CDH4: variants seen among roughly 807,000 people sequenced by gnomAD.
CDH4 encodes cadherin 4.
Under a neutral mutation model 86.0 loss-of-function variants are expected in CDH4, and 33 were observed. The ratio of observed to expected loss-of-function variants is 0.38; its 90% confidence interval spans 0.29 to 0.51. CDH4 has a LOEUF of 0.51. Among genes scored for constraint, CDH4 ranks in the 20% least tolerant of loss-of-function variants. CDH4 has a pLI of 0.86. For missense variants in CDH4, 1,114 were observed against 1,307.4 expected (o/e 0.85, Z 2.28); for synonymous variants, 555 against 549.4 (o/e 1.01, Z -0.14).
intron 2 of CDH4, among the ~76,000 whole-genome samples, chr20:61,562,574 G>A (rs1036161452): frequency 3.9e-5 from 6 of 152,308 alleles, no homozygotes; most frequent in African/African-American, 1.4e-4. Flanking sequence ...GTCCCTGCAG[G>A]ATCTGAGCAC....
intron 6 of CDH4, among the ~76,000 whole-genome samples, chr20:61,867,959 C>A (rs576786298): frequency 1.5e-4 from 23 of 152,304 alleles, no homozygotes; most frequent in African/African-American, 5.5e-4. Flanking sequence ...TCTATTTCTG[C>A]AAAAACTCCA....
At chr20:61,901,238 G>A (rs1985392110) in intron 8 of CDH4, among the ~76,000 whole-genome samples, 1 of 151,956 alleles carries the variant, frequency 6.6e-6, no homozygotes, top group Non-Finnish European at 1.5e-5. Flanking sequence ...CAGGGGCAGG[G>A]GCAGGGGCAG....
intron 4 of CDH4, among the ~76,000 whole-genome samples, chr20:61,813,960 G>T (rs754192311): frequency 2.0e-4 from 31 of 152,222 alleles, no homozygotes; most frequent in Non-Finnish European, 4.0e-4. Flanking sequence ...CCAATATGTA[G>T]CAGGAGTCCA....
In CDH4 at chr20:61,703,857, A is replaced by G. The variant is rs60806592; in HGVS notation, c.170-39706A>G. Among the ~76,000 whole-genome samples the G allele has an allele frequency of 0.012, 1,819 of 152,260 alleles. 44 individuals carry two copies. The highest frequency in any genetic ancestry group is 0.041 in the African/African-American group (1,690 of 41,540). ...TTTACTCAGAGCTGCTTTACCTTGT[A>G]TTTTCATTTGGAAATATTAATTGTG... On this transcript the variant is annotated intron_variant, in intron 2 of 15. Transcript: ENST00000614565. This position sits in a 1 kb window ranked among gnomAD's most constrained non-coding sequence, Gnocchi z 4.3.
At chr20:61,322,376 G>A (rs956871390) in intron 2 of CDH4, among the ~76,000 whole-genome samples, 4 of 152,204 alleles carry the variant, frequency 2.6e-5, no homozygotes, top group Admixed American at 1.3e-4. Context: ...ATCAGGATCC[G>A]CAGCCCACAC....
intron 2 of CDH4, among the ~76,000 whole-genome samples, chr20:61,554,782 A>G (rs1003056280): frequency 6.6e-6 from 1 of 152,258 alleles, no homozygotes; most frequent in African/African-American, 2.4e-5. Context: ...CATGGTGTGA[A>G]CATGTTTTCA....
intron 2 of CDH4, among the ~76,000 whole-genome samples, chr20:61,542,126 C>T (rs1568884965): frequency 6.6e-6 from 1 of 152,204 alleles, no homozygotes. Flanking sequence ...GACCACATTC[C>T]ACCTGCTCTA....
chr20:61,504,733 T>C (rs140821032), intron 2 of CDH4, among the ~76,000 whole-genome samples: 1 of 152,312 alleles, frequency 6.6e-6, no homozygotes, highest in East Asian at 1.9e-4. Flanking sequence ...ATCTGACTAA[T>C]GGCCTAAATT....
At chr20:61,273,369 C>A (rs2084197475) in intron 2 of CDH4, among the ~76,000 whole-genome samples, 1 of 119,564 alleles carries the variant, frequency 8.4e-6, no homozygotes. Flanking sequence ...GTACCGTGTG[C>A]AGTTTAGGGG....
intron 2 of CDH4, among the ~76,000 whole-genome samples, chr20:61,537,640 G>A (rs1008018364): frequency 6.6e-6 from 1 of 152,198 alleles, no homozygotes; most frequent in Non-Finnish European, 1.5e-5. Context: ...TTCGCGGACA[G>A]GCACGCACTG....
intron 2 of CDH4, among the ~76,000 whole-genome samples, chr20:61,305,584 T>C (rs941787549): frequency 1.3e-5 from 2 of 152,256 alleles, no homozygotes; most frequent in African/African-American, 4.8e-5. Flanking sequence ...TTCTTTTCAA[T>C]TCTCTTGACC....
chr20:61,882,756 G>A (rs973288553), intron 7 of CDH4, among the ~76,000 whole-genome samples: 4 of 152,224 alleles, frequency 2.6e-5, no homozygotes, highest in East Asian at 1.9e-4. Flanking sequence ...GAGAGGGAAC[G>A]TGTCTGCGGA....
chr20:61,762,512 C>G (rs551179203), intron 3 of CDH4, among the ~76,000 whole-genome samples: 1 of 152,338 alleles, frequency 6.6e-6, no homozygotes, highest in Admixed American at 6.5e-5. Context: ...TGGAGCAGAT[C>G]CAGCAGAATT....
intron 2 of CDH4, among the ~76,000 whole-genome samples, chr20:61,561,246 C>A (rs1368852298): frequency 6.6e-6 from 1 of 152,258 alleles, no homozygotes. Flanking sequence ...GGTGACCACA[C>A]AACCCACTCC....
At chr20:61,491,646 A>G (rs1442736342) in intron 2 of CDH4, among the ~76,000 whole-genome samples, 1 of 152,208 alleles carries the variant, frequency 6.6e-6, no homozygotes, top group African/African-American at 2.4e-5. Flanking sequence ...CCCCATGTAC[A>G]TATATTTCCT....
rs1032199760 is a variant in CDH4, at chr20:61,888,369, G to A, written c.1051-6541G>A. Among the ~76,000 whole-genome samples the A allele has an allele frequency of 3.3e-5, 5 of 152,204 alleles. No homozygotes were observed. In the East Asian group the frequency reaches 5.8e-4, roughly 18 times the overall value. ...GAGGCAGAGCCAACCTTCAGGCTCCGTCCAGCCGCTGCAAGGGAGGGCCGG... is the reference window on the plus strand; with the variant it reads ...GAGGCAGAGCCAACCTTCAGGCTCCATCCAGCCGCTGCAAGGGAGGGCCGG... On this transcript the variant is annotated intron_variant, in intron 7 of 15. Transcript: ENST00000614565.
At chr20:61,746,615 G>A (rs928327346) in intron 3 of CDH4, among the ~76,000 whole-genome samples, 1 of 152,236 alleles carries the variant, frequency 6.6e-6, no homozygotes, top group African/African-American at 2.4e-5. Context: ...TGCACGGCAA[G>A]GCTTCTGCGA....
At chr20:61,928,567 G>T (rs2055072056) in intron 12 of CDH4, 144 bp downstream of exon 12, 4 of 689,362 alleles carry the variant, frequency 5.8e-6, no homozygotes, top group Non-Finnish European at 9.8e-6. Context: ...GGGGACACTG[G>T]CCACGCTTCA....
chr20:61,675,347 A>C (rs1234116743), intron 2 of CDH4, among the ~76,000 whole-genome samples: 4 of 76,536 alleles, frequency 5.2e-5, no homozygotes, highest in Admixed American at 4.4e-4. Flanking sequence ...TGCCGTGGAA[A>C]CAACCATCGT....
Sources: allele counts gnomAD v4.1 joint callset (sites outside exome capture counted in the v4.1 genomes callset), GRCh38; gene constraint gnomAD v4.1.1; non-coding constraint Gnocchi (gnomAD v3.1); transcripts MANE v1.5; gene names NCBI Gene and HGNC (gene_info 2026-07-23, HGNC 2026-07-21).